Variants in SLC35F4 observed in about 807,000 individuals in gnomAD.
The protein encoded by SLC35F4 is solute carrier family 35 member F4.
SLC35F4 carries 24 observed loss-of-function variants against 44.2 expected under a neutral mutation model. The ratio of observed to expected loss-of-function variants is 0.54; its 90% CI spans 0.39 to 0.76. The LOEUF is 0.76. SLC35F4 is among the 30% of genes least tolerant of loss of function. The pLI is 0.00. For missense variants in SLC35F4, 562 were observed against 586.1 expected (o/e 0.96, Z 0.42); for synonymous variants, 238 against 223.6 (o/e 1.06, Z -0.57).
chr14:57,658,936 A>G (rs1221818559), intron 1 of SLC35F4, among the ~76,000 whole-genome samples: 1 of 152,200 alleles, frequency 6.6e-6, no homozygotes, highest in Non-Finnish European at 1.5e-5. Context: ...AGTAGGAAGA[A>G]GTCAGCAAGA....
At chr14:57,738,123 T>C (rs2076511359) in intron 1 of SLC35F4, among the ~76,000 whole-genome samples, 1 of 152,192 alleles carries the variant, frequency 6.6e-6, no homozygotes, top group African/African-American at 2.4e-5. Flanking sequence ...CCAGAAATGC[T>C]GGTACATCTC....
At chr14:57,922,571 T>C (rs1393931865) in intron 1 of SLC35F4, among the ~76,000 whole-genome samples, 1 of 152,228 alleles carries the variant, frequency 6.6e-6, no homozygotes, top group Non-Finnish European at 1.5e-5. Flanking sequence ...AAAGAAATGC[T>C]ATAACTTTTG....
intron 1 of SLC35F4, among the ~76,000 whole-genome samples, chr14:57,620,667 G>C (rs1250327537): frequency 6.6e-6 from 1 of 152,130 alleles, no homozygotes; most frequent in Non-Finnish European, 1.5e-5. Flanking sequence ...GTTTGTCATA[G>C]ATAGCTCTTA....
intron 1 of SLC35F4, among the ~76,000 whole-genome samples, chr14:57,908,573 C>T (rs1889154204): frequency 6.6e-6 from 1 of 152,140 alleles, no homozygotes; most frequent in Non-Finnish European, 1.5e-5. Flanking sequence ...TTGTTGGTGG[C>T]ATAAGTGTCT....
At chr14:57,944,312 C>A (rs745311026) in intron 1 of SLC35F4, among the ~76,000 whole-genome samples, 20 of 152,184 alleles carry the variant, frequency 1.3e-4, no homozygotes, top group Non-Finnish European at 2.6e-4. Flanking sequence ...CTTTCGCATA[C>A]AAATGTGTTA....
intron 1 of SLC35F4, among the ~76,000 whole-genome samples, chr14:57,710,700 T>C (rs2075796749): frequency 6.6e-6 from 1 of 152,090 alleles, no homozygotes; most frequent in Admixed American, 6.5e-5. Flanking sequence ...AAGGAGATCA[T>C]TTTGGAACTT....
intron 1 of SLC35F4, among the ~76,000 whole-genome samples, chr14:57,864,255 T>TA (rs918780375): frequency 3.6e-4 from 55 of 152,306 alleles, no homozygotes; most frequent in African/African-American, 1.1e-3. Flanking sequence ...TTTCCAGGGT[T>TA]AAAAAAGAAA....
Position 57,619,431 on chromosome 14 carries a change from T to G in SLC35F4, c.104-25307A>C, listed in dbSNP as rs567308825. On this transcript the variant is annotated intron_variant, in intron 1 of 7. Coordinates refer to ENST00000556826, the MANE Select transcript of SLC35F4 (RefSeq NM_001306087.2). ...GGAGTGGACCTCCAACAAACTCCAG[T>G]AGACCTGCAGCAGAGGGGCCTGGCT... Among the ~76,000 whole-genome samples, 10 of 152,148 alleles carry G rather than the reference T, an allele frequency of 6.6e-5. 1 individual carries two copies. The South Asian group carries it at 1.9e-3, about 28-fold the overall frequency.
At chr14:57,871,950 A>G (rs1457935127) in intron 1 of SLC35F4, among the ~76,000 whole-genome samples, 7 of 152,226 alleles carry the variant, frequency 4.6e-5, no homozygotes, top group Admixed American at 3.3e-4. Context: ...TTTGTTTTCC[A>G]AAGACATACT....
At chr14:57,692,235 C>T (rs559145098) in intron 1 of SLC35F4, among the ~76,000 whole-genome samples, 3 of 152,298 alleles carry the variant, frequency 2.0e-5, no homozygotes, top group East Asian at 1.9e-4. Flanking sequence ...ACTTTTCTAA[C>T]GTACAGCTCA....
chr14:57,890,756 A>T (rs1222586626), intron 1 of SLC35F4, among the ~76,000 whole-genome samples: 2 of 152,222 alleles, frequency 1.3e-5, no homozygotes, highest in African/African-American at 2.4e-5. Flanking sequence ...AAAGTTTTAG[A>T]AATGAGGCAT....
chr14:57,932,636 A>T (rs779141158), intron 1 of SLC35F4, among the ~76,000 whole-genome samples: 2 of 152,016 alleles, frequency 1.3e-5, no homozygotes, highest in African/African-American at 2.4e-5. Context: ...ATCACTTGAG[A>T]TCAGGAGTTC....
chr14:57,594,026 C>T lies in SLC35F4; in HGVS notation c.202G>A (p.Glu68Lys), dbSNP rs376265188. The T allele has an allele frequency of 6.2e-5, 100 of 1,613,766 alleles. No homozygotes were observed. The African/African-American group carries it at 6.5e-4, about 11-fold the overall frequency. ...SRQLSPLSVT[E>K]DSSAPILELQ... The stretch of plus-strand genomic sequence containing the variant: ...TCAAGAATAGGAGCAGAGGAATCTT[C>T]GGTGACAGACAGTGGGGACAGTTGT... Residue 68 changes from glutamate to lysine, a missense_variant, in exon 2 of 8, where the codon GAA becomes AAA. Physicochemically the swap from Glu to Lys is moderately conservative, Grantham distance 56. Transcript: ENST00000556826.
At position 57,645,721 on chromosome 14, in the gene SLC35F4, C is replaced by T. The variant is rs191119839; in HGVS notation, c.104-51597G>A. 8.1e-4 allele frequency among the ~76,000 whole-genome samples: 122 copies of T among 151,228 alleles called. 2 individuals carry two copies. The highest frequency in any genetic ancestry group is 4.3e-3 in the Admixed American group (65 of 15,134). Reference sequence around the variant, plus strand: ...GTGCCAGTTTTCAAAGGGAATGCTTCCAGTTTTCATCCATTCAGTATGATA... The same window carrying T: ...GTGCCAGTTTTCAAAGGGAATGCTTTCAGTTTTCATCCATTCAGTATGATA... On this transcript the variant is annotated intron_variant, in intron 1 of 7. Coordinates refer to ENST00000556826, the MANE Select transcript of SLC35F4 (RefSeq NM_001306087.2).
chr14:57,871,889 A>G (rs183277251), intron 1 of SLC35F4, among the ~76,000 whole-genome samples: 1 of 152,340 alleles, frequency 6.6e-6, no homozygotes, highest in East Asian at 1.9e-4. Context: ...AAGAGTTTTA[A>G]TTCCTTCCAT....
At chr14:57,883,110 T>A (rs1305401209) in intron 1 of SLC35F4, among the ~76,000 whole-genome samples, 4 of 151,784 alleles carry the variant, frequency 2.6e-5, no homozygotes, top group Admixed American at 1.3e-4. Context: ...GCCCACTTAT[T>A]CAAGAAGAAT....
chr14:57,587,937 G>GTACTT (rs1407542116), intron 3 of SLC35F4, among the ~76,000 whole-genome samples: 2 of 150,498 alleles, frequency 1.3e-5, no homozygotes, highest in Non-Finnish European at 2.9e-5. Context: ...TGTAATCCCA[G>GTACTT]TACTTTGGGC....
upstream of SLC35F4, among the ~76,000 whole-genome samples, chr14:57,870,782 C>T (rs1429418461): frequency 6.6e-6 from 1 of 152,204 alleles, no homozygotes; most frequent in Non-Finnish European, 1.5e-5. Flanking sequence ...AGTTGATTTA[C>T]ACTTTCACTC....
At chr14:57,805,855 A>C (rs1452750539) in intron 1 of SLC35F4, among the ~76,000 whole-genome samples, 1 of 152,248 alleles carries the variant, frequency 6.6e-6, no homozygotes, top group Non-Finnish European at 1.5e-5. Flanking sequence ...AAATGAAAAA[A>C]GCAGCATACA....
Sources: allele counts gnomAD v4.1 joint callset (sites outside exome capture counted in the v4.1 genomes callset), GRCh38; gene constraint gnomAD v4.1.1; transcripts MANE v1.5; gene names NCBI Gene and HGNC (gene_info 2026-07-23, HGNC 2026-07-21).